Variants in TMEM164 observed in about 807,000 individuals in gnomAD.
TMEM164 encodes the protein RP13-360B22.2.
In TMEM164, 4 loss-of-function variants were observed where a neutral mutation model predicts 18.8. That is an observed-to-expected ratio of 0.21 (90% CI 0.10 to 0.49). TMEM164 has a LOEUF of 0.49. Among genes scored for constraint, TMEM164 ranks in the 20% least tolerant of loss-of-function variants. The pLI is 0.98. For synonymous variants in TMEM164, 86 were observed against 101.7 expected (o/e 0.85, Z 0.93); for missense variants, 108 against 239.9 (o/e 0.45, Z 3.63).
chrX:110,171,859 C>T (rs1402328528), intron 6 of TMEM164, among the ~76,000 whole-genome samples: 1 of 112,144 alleles, frequency 8.9e-6, no homozygotes, highest in Non-Finnish European at 1.9e-5. Context: ...TGCCCCTTGG[C>T]CTGGGGGAGT....
At chrX:110,025,106 C>A (rs1436725991) in intron 2 of TMEM164, among the ~76,000 whole-genome samples, 1 of 110,096 alleles carries the variant, frequency 9.1e-6, no homozygotes, top group African/African-American at 3.3e-5. Flanking sequence ...AGGGCTTGTC[C>A]CCAAAGCCAG....
intron 4 of TMEM164, among the ~76,000 whole-genome samples, chrX:110,130,891 A>G (rs897204391): frequency 8.9e-6 from 1 of 111,804 alleles, no homozygotes; most frequent in Non-Finnish European, 1.9e-5. Flanking sequence ...TTGGAGCCTG[A>G]GAAGAAATAG....
intron 2 of TMEM164, among the ~76,000 whole-genome samples, chrX:110,009,950 G>A (rs1370565255): frequency 3.7e-5 from 4 of 107,675 alleles, no homozygotes; most frequent in Admixed American, 9.9e-5. Flanking sequence ...CCGAGATCCC[G>A]CCACTGCACT....
intron 2 of TMEM164, among the ~76,000 whole-genome samples, chrX:110,055,592 G>C (rs976199908): frequency 1.8e-5 from 2 of 111,813 alleles, no homozygotes; most frequent in Non-Finnish European, 1.9e-5. Context: ...TATCTTCTCT[G>C]TAAATGAGAG....
Sources: gnomAD v4.1 joint callset for allele counts (sites outside exome capture counted in the v4.1 genomes callset) on GRCh38, gnomAD v4.1.1 for gene constraint, MANE v1.5 for transcripts, NCBI Gene and HGNC (gene_info 2026-07-23, HGNC 2026-07-21) for gene names.